Variants in TCERG1 observed in about 807,000 individuals in gnomAD.
The protein encoded by TCERG1 is TATA box binding protein (TBP)-associated factor, RNA polymerase II, S, 150kD.
A neutral mutation model predicts 144.7 loss-of-function variants in TCERG1; 37 were observed. That is an observed-to-expected ratio of 0.26 (90% CI 0.20 to 0.34). TCERG1 has a LOEUF of 0.34. TCERG1 is among the 10% of genes least tolerant of loss of function. TCERG1 has a pLI of 1.00. For synonymous variants in TCERG1, 492 were observed against 458.2 expected (o/e 1.07, Z -0.94); for missense variants, 1,027 against 1,380.7 (o/e 0.74, Z 4.06).
chr5:146,472,601 A>AT (rs1320316586), intron 9 of TCERG1, among the ~76,000 whole-genome samples: 3 of 151,832 alleles, frequency 2.0e-5, no homozygotes, highest in Admixed American at 2.0e-4. Context: ...TCGGGTGTCC[A>AT]TTTTCCCTGA....
At chr5:146,472,598 T>C (rs1398366633) in intron 9 of TCERG1, among the ~76,000 whole-genome samples, 1 of 152,104 alleles carries the variant, frequency 6.6e-6, no homozygotes, top group Non-Finnish European at 1.5e-5. Flanking sequence ...TCCTCGGGTG[T>C]CCATTTTCCC....
intron 4 of TCERG1, among the ~76,000 whole-genome samples, chr5:146,461,451 TG>T (rs1763320159): frequency 6.6e-6 from 1 of 152,188 alleles, no homozygotes; most frequent in Non-Finnish European, 1.5e-5. Flanking sequence ...CTTTAGCAAA[TG>T]AAGTTAGTGG....
At chr5:146,453,880 GA>G (rs1412020709) in intron 1 of TCERG1, among the ~76,000 whole-genome samples, 2 of 151,886 alleles carry the variant, frequency 1.3e-5, no homozygotes, top group African/African-American at 4.8e-5. Context: ...CATATCTGAA[GA>G]ATACACATCC....
intron 15 of TCERG1, among the ~76,000 whole-genome samples, chr5:146,488,833 A>G (rs1161965612): frequency 1.3e-5 from 2 of 152,226 alleles, no homozygotes; most frequent in African/African-American, 2.4e-5. Flanking sequence ...TAGGTGTCCA[A>G]CAACAGATGA....
rs1765333325 is a variant in TCERG1, at chr5:146,481,157, T to C, written c.1894T>C (p.Ser632Pro). The change falls in exon 13 of 23, where the codon TCA (serine) becomes CCA (proline). Residue 632 changes from serine (S) to proline (P), a missense_variant. Physicochemically the swap from Ser to Pro is moderately conservative, Grantham distance 74. Coordinates refer to ENST00000679501, the MANE Select transcript of TCERG1 (RefSeq NM_001382548.1). Reference protein sequence around the residue: ...PVKAKKRKRMSKKSFMWIARA... With the variant: ...PVKAKKRKRMPKKSFMWIARA... ...TTTAACTGCTTTTATCAGGAGAATG[T>C]CAAAGAAGTCCTTTATGTGGATTGC... The C allele has an allele frequency of 1.0e-6, 1 of 985,194 alleles. No homozygotes were observed. Among genetic ancestry groups the C allele is most frequent in the African/African-American group, 1.7e-5 (1 of 57,238 alleles). The allele number at this position is 985,194 out of a possible 1,614,324, so 61.0% of individuals were successfully genotyped here.
chr5:146,509,314 C>T, intron 22 of TCERG1, 69 bp downstream of exon 22: 1 of 1,002,902 alleles, frequency 1.0e-6, no homozygotes, highest in South Asian at 1.5e-5. Context: ...ATGGTCAGAG[C>T]ATTCTTTGCA....
chr5:146,476,596 T>G (rs933195793), intron 9 of TCERG1, among the ~76,000 whole-genome samples: 2 of 152,198 alleles, frequency 1.3e-5, no homozygotes, highest in Admixed American at 6.5e-5. Flanking sequence ...TTCAAAGTTA[T>G]AAAAACAGTC....
intron 16 of TCERG1, among the ~76,000 whole-genome samples, chr5:146,496,056 G>A (rs761688370): frequency 4.9e-4 from 74 of 152,334 alleles, no homozygotes; most frequent in Middle Eastern, 3.4e-3. Flanking sequence ...GGGAGGCTGA[G>A]GCAGAAGAAT....
chr5:146,463,610 A>G lies in TCERG1; in HGVS notation c.952A>G (p.Ser318Gly). The G allele has an allele frequency of 6.2e-7, 1 of 1,614,206 alleles. No homozygotes were observed. Among genetic ancestry groups the G allele is most frequent in the Non-Finnish European group, 8.5e-7 (1 of 1,180,022 alleles). ...TGTTTCAGTTGCCACGCCTACAGTT[A>G]GTGTTTCAACTCCTGCTCCTACAGC... ...SAVSVATPTV[S>G]VSTPAPTATP... The change falls in exon 5 of 23, where the codon AGT becomes GGT. Residue 318 changes from serine (S) to glycine (G), a missense_variant. Physicochemically the swap from Ser to Gly is moderately conservative, Grantham distance 56. This residue lies in a region of TCERG1 where 187 missense variants were observed against 169.1 expected (regional missense o/e 1.11). Coordinates refer to ENST00000679501, the MANE Select transcript of TCERG1 (RefSeq NM_001382548.1).
Position 146,504,019 on chromosome 5 carries a change from CTT to C in TCERG1, c.2781+16_2781+17del. 6.7e-7 allele frequency: 1 copy of C among 1,500,082 alleles called. No homozygotes were observed. Among genetic ancestry groups the C allele is most frequent in the Non-Finnish European group, 8.9e-7 (1 of 1,124,954 alleles). 92.9% of individuals were successfully genotyped at this position (1,500,082 alleles called of 1,614,324 possible). ...TCTGTCTGACATGGTATACGTTAAT[CTT>C]TTACTTTTTTTCTCTAAAGTACTGG... is the stretch of plus-strand genomic sequence containing the variant. On this transcript the variant is annotated intron_variant, in intron 19 of 22. Coordinates refer to ENST00000679501, the MANE Select transcript of TCERG1 (RefSeq NM_001382548.1).
rs1768451400 is a variant in TCERG1 at position 146,511,504 on chromosome 5, A to G, written c.*862A>G. On this transcript the variant is annotated 3_prime_UTR_variant, in exon 23 of 23. Transcript: ENST00000679501. ...GAACTACAATAAACCAACCCTTTTT[A>G]TATATCTGTATTGTATATGATTATT... The G allele has an allele frequency of 6.6e-6, 1 of 152,622 alleles. No homozygotes were observed. Among genetic ancestry groups the G allele is most frequent in the Non-Finnish European group, 1.5e-5 (1 of 68,034 alleles). The allele number at this position is 152,622 out of a possible 1,614,324, so 9.5% of individuals were successfully genotyped here.
At chr5:146,464,860 T>C (rs1461897847) in intron 5 of TCERG1, among the ~76,000 whole-genome samples, 1 of 152,202 alleles carries the variant, frequency 6.6e-6, no homozygotes, top group South Asian at 2.1e-4. Flanking sequence ...TTATCACTAT[T>C]GCACTGGTTG....
intron 4 of TCERG1, chr5:146,462,187 A>G (rs1174610262): frequency 6.6e-6 from 1 of 152,644 alleles, no homozygotes; most frequent in African/African-American, 2.4e-5. Flanking sequence ...AGATACTGAC[A>G]GATTTTGTTG....
rs753408349 is a variant in TCERG1 at position 146,459,105 on chromosome 5, G to GGCCCAAGCCCAA, written c.666_677dup (p.Ala239_Gln242dup). On this transcript the variant is annotated inframe_insertion, in exon 4 of 23. Transcript: ENST00000679501. The stretch of plus-strand genomic sequence containing the variant: ...AGGCCCAGGCCCAGGCCCAGGCCCA[G>GGCCCAAGCCCAA]GCCCAAGCCCAAGCCCAGGCCCAGG... The GGCCCAAGCCCAA allele has an allele frequency of 6.4e-7, 1 of 1,574,336 alleles. No homozygotes were observed. The highest frequency in any genetic ancestry group is 8.7e-7 in the Non-Finnish European group (1 of 1,151,388).
At chr5:146,467,122 GTTTAC>G (rs1320002201) in intron 5 of TCERG1, among the ~76,000 whole-genome samples, 12 of 152,104 alleles carry the variant, frequency 7.9e-5, no homozygotes, top group African/African-American at 1.4e-4. Flanking sequence ...TTAATAGAAA[GTTTAC>G]TTTATTCTTT....
intron 9 of TCERG1, among the ~76,000 whole-genome samples, chr5:146,473,523 T>G (rs1764543053): frequency 1.3e-5 from 2 of 152,188 alleles, no homozygotes; most frequent in Admixed American, 1.3e-4. Flanking sequence ...CGAAACAGCC[T>G]TCTATTGGGA....
At chr5:146,450,154 A>G (rs1334218070) in intron 1 of TCERG1, among the ~76,000 whole-genome samples, 1 of 152,256 alleles carries the variant, frequency 6.6e-6, no homozygotes, top group African/African-American at 2.4e-5. Flanking sequence ...TAAAGATAAT[A>G]CAGAAGTAAA....
intron 9 of TCERG1, among the ~76,000 whole-genome samples, chr5:146,475,440 T>C (rs10050710): frequency 0.24 from 37,222 of 152,038 alleles, 5,677 homozygotes; most frequent in East Asian, 0.84. Flanking sequence ...TGGAGGGTGT[T>C]AGTGGCATCT....
chr5:146,474,739 C>T (rs1764675723), intron 9 of TCERG1, among the ~76,000 whole-genome samples: 2 of 152,178 alleles, frequency 1.3e-5, no homozygotes, highest in South Asian at 4.1e-4. Flanking sequence ...CCAGCAAAAA[C>T]ATTATGATGC....
Sources: allele counts gnomAD v4.1 joint callset (sites outside exome capture counted in the v4.1 genomes callset), GRCh38; gene constraint gnomAD v4.1.1; regional missense constraint gnomAD v4.1.1; transcripts MANE v1.5; gene names NCBI Gene and HGNC (gene_info 2026-07-23, HGNC 2026-07-21).